Variants in PAPPA2 observed in about 807,000 individuals in gnomAD.
PAPPA2 encodes the protein pappalysin-2.
PAPPA2 carries 86 observed loss-of-function variants against 176.4 expected under a neutral mutation model. That is an observed-to-expected ratio of 0.49 (90% CI 0.41 to 0.58). The LOEUF (loss-of-function observed/expected upper bound fraction) is 0.58. PAPPA2 is among the 20% of genes least tolerant of loss of function. PAPPA2 has a pLI of 0.00. For missense variants in PAPPA2, 2,073 were observed against 2,256.9 expected, an observed-to-expected ratio of 0.92 and a Z score of 1.65; for synonymous variants, 809 against 852.2, an observed-to-expected ratio of 0.95 and a Z score of 0.88.
intron 1 of PAPPA2, among the ~76,000 whole-genome samples, chr1:176,468,895 T>C (rs1436453851): frequency 6.6e-6 from 1 of 152,210 alleles, no homozygotes; most frequent in Non-Finnish European, 1.5e-5. Flanking sequence ...TTATGGAGCA[T>C]ATACTACCTG....
intron 3 of PAPPA2, among the ~76,000 whole-genome samples, chr1:176,656,291 A>T (rs10913233): frequency 0.17 from 26,518 of 151,674 alleles, 2,474 homozygotes; most frequent in Middle Eastern, 0.23. Context: ...ATCCCCTTAA[A>T]CTACAGAGTC....
intron 1 of PAPPA2, among the ~76,000 whole-genome samples, chr1:176,465,022 G>T (rs146237888): frequency 6.6e-6 from 1 of 152,052 alleles, no homozygotes; most frequent in Non-Finnish European, 1.5e-5. Flanking sequence ...TTATAATCTT[G>T]CATTTTCACT....
At chr1:176,513,716 C>G (rs1335105579) in intron 1 of PAPPA2, among the ~76,000 whole-genome samples, 1 of 152,072 alleles carries the variant, frequency 6.6e-6, no homozygotes, top group Non-Finnish European at 1.5e-5. Flanking sequence ...CTGTTTCTTA[C>G]AATTATTCCC....
chr1:176,591,084 T>TGC (rs1378527959), intron 2 of PAPPA2, among the ~76,000 whole-genome samples: 3 of 99,086 alleles, frequency 3.0e-5, no homozygotes, highest in East Asian at 2.3e-4. Context: ...GTCACACACA[T>TGC]GCACACACAC....
chr1:176,684,808 C>A (rs1659756998), intron 4 of PAPPA2, among the ~76,000 whole-genome samples: 1 of 152,146 alleles, frequency 6.6e-6, no homozygotes, highest in Non-Finnish European at 1.5e-5. Context: ...TTTCCTCTTG[C>A]AATTAGCAGC....
chr1:176,575,033 C>A (rs1652566400), intron 2 of PAPPA2, among the ~76,000 whole-genome samples: 1 of 152,242 alleles, frequency 6.6e-6, no homozygotes, highest in South Asian at 2.1e-4. Flanking sequence ...CAGAACATAT[C>A]CTGGTTGTTA....
chr1:176,811,673 C>G (rs1344210231), intron 21 of PAPPA2, among the ~76,000 whole-genome samples: 2 of 152,136 alleles, frequency 1.3e-5, no homozygotes, highest in Non-Finnish European at 2.9e-5. Flanking sequence ...AGGCTCACTA[C>G]CTGCCAAATT....
At chr1:176,557,913 C>A (rs1651423421) in intron 2 of PAPPA2, among the ~76,000 whole-genome samples, 1 of 152,134 alleles carries the variant, frequency 6.6e-6, no homozygotes, top group Non-Finnish European at 1.5e-5. Context: ...GTAAGAAGGA[C>A]CTAAAAAATG....
chr1:176,596,247 A>C (rs1244041247), intron 3 of PAPPA2, among the ~76,000 whole-genome samples: 1 of 152,092 alleles, frequency 6.6e-6, no homozygotes, highest in African/African-American at 2.4e-5. Context: ...CCTCCACTGC[A>C]CTCAGAATAA....
intron 2 of PAPPA2, among the ~76,000 whole-genome samples, chr1:176,584,541 T>G (rs1443217891): frequency 1.3e-5 from 2 of 152,178 alleles, no homozygotes; most frequent in African/African-American, 4.8e-5. Flanking sequence ...GAATTGAGTT[T>G]CTTATAGGCA....
chr1:176,790,165 G>C (rs1473213389), intron 18 of PAPPA2, among the ~76,000 whole-genome samples, 188 bp downstream of exon 18: 1 of 152,102 alleles, frequency 6.6e-6, no homozygotes, highest in Non-Finnish European at 1.5e-5. Context: ...GTTCTCTCCT[G>C]AGTTCAGAAC....
chr1:176,564,722 CTTTTTTTT>C (rs71299415), intron 2 of PAPPA2, among the ~76,000 whole-genome samples: 1 of 133,938 alleles, frequency 7.5e-6, no homozygotes, highest in South Asian at 2.4e-4. Flanking sequence ...CTTTCCTTTT[CTTTTTTTT>C]TTTTTTTTTA....
chr1:176,622,779 T>A (rs182160481), intron 3 of PAPPA2, among the ~76,000 whole-genome samples: 94 of 152,258 alleles, frequency 6.2e-4, no homozygotes, highest in African/African-American at 2.2e-3. Flanking sequence ...AAAAATGGGA[T>A]AAAATAGTGT....
chr1:176,530,533 T>G (rs370736870), intron 1 of PAPPA2, among the ~76,000 whole-genome samples: 7 of 152,200 alleles, frequency 4.6e-5, no homozygotes, highest in South Asian at 2.1e-4. Context: ...TTGTCCATTT[T>G]TAGGTCTTGT....
intron 3 of PAPPA2, among the ~76,000 whole-genome samples, chr1:176,670,029 G>A (rs1395977857): frequency 4.6e-5 from 7 of 152,114 alleles, no homozygotes; most frequent in Non-Finnish European, 8.8e-5. Flanking sequence ...GGCAGACCAC[G>A]GCCACTGTGG....
chr1:176,733,219 C>T (rs574226110), intron 12 of PAPPA2, among the ~76,000 whole-genome samples: 1 of 152,098 alleles, frequency 6.6e-6, no homozygotes, highest in Non-Finnish European at 1.5e-5. Context: ...CTTGAGGAGG[C>T]AGAAAATTGT....
At position 176,465,477 on chromosome 1, in the gene PAPPA2, C is replaced by A. The variant is rs12034167; in HGVS notation, c.-917+2059C>A. Among the ~76,000 whole-genome samples the A allele has an allele frequency of 3.6e-4, 55 of 152,232 alleles. No homozygotes were observed. The East Asian group carries it at 6.8e-3, about 19-fold the overall frequency. ...ATTTGATTACTTGTTAGATTAGACGCATTTTTTCCTATATTTATTGGGCAC... is the reference window on the plus strand; with the variant it reads ...ATTTGATTACTTGTTAGATTAGACGAATTTTTTCCTATATTTATTGGGCAC... On this transcript the variant is annotated intron_variant, in intron 1 of 22. Coordinates refer to ENST00000367662, the MANE Select transcript of PAPPA2 (RefSeq NM_020318.3).
intron 7 of PAPPA2, among the ~76,000 whole-genome samples, chr1:176,698,610 G>T (rs1227977675): frequency 6.6e-6 from 1 of 152,128 alleles, no homozygotes; most frequent in Non-Finnish European, 1.5e-5. Context: ...TGGTTTTAAA[G>T]TTCGTCTAAC....
At chr1:176,809,951 AGT>A (rs55858181) in intron 21 of PAPPA2, among the ~76,000 whole-genome samples, 19,104 of 133,376 alleles carry the variant, frequency 0.14, 1,433 homozygotes, top group East Asian at 0.19. Context: ...GACAAGATGC[AGT>A]GTGTGTGTGT....
Sources: allele counts gnomAD v4.1 joint callset (sites outside exome capture counted in the v4.1 genomes callset), GRCh38; gene constraint gnomAD v4.1.1; transcripts MANE v1.5; gene names NCBI Gene and HGNC (gene_info 2026-07-23, HGNC 2026-07-21).